NEBL: variants seen among roughly 807,000 people sequenced by gnomAD.
The protein encoded by NEBL is nebulette.
A neutral mutation model predicts 140.2 loss-of-function variants in NEBL; 122 were observed. The observed-to-expected ratio is 0.87, with a 90% CI of 0.75 to 1.01. The LOEUF (loss-of-function observed/expected upper bound fraction) is 1.01. Ranked by LOEUF, NEBL falls within the 50% of genes least tolerant of loss-of-function variation. The pLI is 0.00. For synonymous variants in NEBL, 436 were observed against 398.9 expected (o/e 1.09, Z -1.11); for missense variants, 1,365 against 1,231.3 (o/e 1.11, Z -1.62).
At chr10:21,268,306 C>T (rs375800040) in intron 1 of NEBL, among the ~76,000 whole-genome samples, 8 of 151,916 alleles carry the variant, frequency 5.3e-5, no homozygotes, top group South Asian at 2.1e-4. Flanking sequence ...CCTGTCTCTT[C>T]GAAAAATAAT....
chr10:21,234,451 A>T (rs1243392072), intron 3 of NEBL, among the ~76,000 whole-genome samples: 1 of 152,016 alleles, frequency 6.6e-6, no homozygotes, highest in Non-Finnish European at 1.5e-5. Context: ...CTATGGGTAA[A>T]AGCTCCCTGT....
At chr10:21,067,426 T>C (rs1835616512) in intron 2 of NEBL, among the ~76,000 whole-genome samples, 2 of 152,104 alleles carry the variant, frequency 1.3e-5, no homozygotes, top group African/African-American at 4.8e-5. Flanking sequence ...CCAACGATTG[T>C]CATGAAATTG....
intron 2 of NEBL, among the ~76,000 whole-genome samples, chr10:21,155,358 T>A (rs545142000): frequency 5.3e-5 from 8 of 152,204 alleles, no homozygotes; most frequent in Non-Finnish European, 1.2e-4. Context: ...TGTTGTGCTA[T>A]CAAATACCAG....
rs1008056589 is a variant in NEBL, at chr10:20,780,182, C to T, written c.*5565G>A. ...GTGGGGGGAGAAAAGCAATTGTGTTCTGTGATAAATGAGCCTTTCTTAGCT... is the reference window on the plus strand; with the variant it reads ...GTGGGGGGAGAAAAGCAATTGTGTTTTGTGATAAATGAGCCTTTCTTAGCT... On this transcript the variant is annotated 3_prime_UTR_variant, in exon 28 of 28. Transcript: ENST00000377122. 2 of 152,120 alleles carry T rather than the reference C, an allele frequency of 1.3e-5. No homozygotes were observed. The highest frequency in any genetic ancestry group is 4.8e-5 in the African/African-American group (2 of 41,424). The allele number at this position is 152,120 out of a possible 1,614,324, so 9.4% of individuals were successfully genotyped here. A position where few individuals can be genotyped will look rare whatever the true frequency, so the allele number is the denominator to read the frequency against.
intron 5 of NEBL, among the ~76,000 whole-genome samples, chr10:20,878,805 A>G (rs1205391073): frequency 6.6e-6 from 1 of 152,216 alleles, no homozygotes; most frequent in Non-Finnish European, 1.5e-5. Context: ...ACAGTATTGA[A>G]TGAAGGAGAA....
intron 26 of NEBL, among the ~76,000 whole-genome samples, chr10:20,796,367 G>GAAAAAAAAAA (rs57844177): frequency 1.2e-4 from 6 of 51,498 alleles, no homozygotes; most frequent in Non-Finnish European, 1.5e-4. Context: ...TCTAAAACAA[G>GAAAAAAAAAA]AAAAAAAAAA....
chr10:20,946,211 A>G (rs1835151525), intron 4 of NEBL, among the ~76,000 whole-genome samples: 1 of 152,228 alleles, frequency 6.6e-6, no homozygotes. Context: ...CAAGGAGCCC[A>G]TCGTGTTTCC....
At position 21,164,667 on chromosome 10, in the gene NEBL, G is replaced by C. The variant is rs902552238; in HGVS notation, c.164+7716C>G. On this transcript the variant is annotated intron_variant, in intron 2 of 6. Transcript: ENST00000417816. ...AATGGGACAGAGAACCCAGAGTGTGGTTTGTAAATATGATTCCCTACAATG... is the reference window on the plus strand; with the variant it reads ...AATGGGACAGAGAACCCAGAGTGTGCTTTGTAAATATGATTCCCTACAATG... Among the ~76,000 whole-genome samples the C allele has an allele frequency of 2.0e-5, 3 of 152,126 alleles. No homozygotes were observed. In the South Asian group the frequency reaches 6.2e-4, roughly 32 times the overall value.
chr10:21,082,227 T>C (rs1836398960), intron 2 of NEBL, among the ~76,000 whole-genome samples: 2 of 152,210 alleles, frequency 1.3e-5, no homozygotes, highest in African/African-American at 2.4e-5. Context: ...AACATGATGA[T>C]TGAGTACAAG....
intron 7 of NEBL, among the ~76,000 whole-genome samples, chr10:20,863,889 A>G (rs1843988208): frequency 6.6e-6 from 1 of 152,190 alleles, no homozygotes; most frequent in African/African-American, 2.4e-5. Context: ...AGTCAGGAAC[A>G]TGATATTTGA....
chr10:20,939,573 C>T (rs1834724736), intron 4 of NEBL, among the ~76,000 whole-genome samples: 1 of 152,162 alleles, frequency 6.6e-6, no homozygotes, highest in Admixed American at 6.5e-5. Flanking sequence ...GGATCAAATT[C>T]ACACATAACA....
intron 3 of NEBL, among the ~76,000 whole-genome samples, chr10:21,245,916 C>T (rs112991548): frequency 6.6e-6 from 1 of 152,094 alleles, no homozygotes; most frequent in Non-Finnish European, 1.5e-5. Context: ...AGGATGGTCT[C>T]GATCTCCTGA....
chr10:21,053,264 G>A (rs1201367305), intron 2 of NEBL, among the ~76,000 whole-genome samples: 21 of 152,162 alleles, frequency 1.4e-4, no homozygotes, highest in Non-Finnish European at 4.4e-5. Flanking sequence ...GGAGAATTTT[G>A]GGGAGAAAAG....
intron 13 of NEBL, among the ~76,000 whole-genome samples, chr10:20,838,250 C>A (rs1207151327): frequency 6.6e-6 from 1 of 152,096 alleles, no homozygotes; most frequent in East Asian, 1.9e-4. Context: ...GAGAGAAGTA[C>A]AAAATATCAA....
chr10:21,021,515 C>T (rs754916814), intron 2 of NEBL, among the ~76,000 whole-genome samples: 6 of 152,218 alleles, frequency 3.9e-5, no homozygotes, highest in Non-Finnish European at 5.9e-5. Flanking sequence ...CTCGTTCCCA[C>T]TGCTCCCCTG....
At chr10:20,890,903 T>C (rs1253093264) in intron 2 of NEBL, among the ~76,000 whole-genome samples, 1 of 152,234 alleles carries the variant, frequency 6.6e-6, no homozygotes, top group Non-Finnish European at 1.5e-5. Flanking sequence ...CTAAAAGTTG[T>C]ATCACTCTGT....
chr10:21,021,706 T>G (rs1838799974), intron 2 of NEBL, among the ~76,000 whole-genome samples: 1 of 152,232 alleles, frequency 6.6e-6, no homozygotes, highest in African/African-American at 2.4e-5. Flanking sequence ...CCTGTGCTAA[T>G]GCTTATCTTG....
chr10:20,916,852 G>C (rs1054220147), intron 4 of NEBL, among the ~76,000 whole-genome samples: 2 of 152,146 alleles, frequency 1.3e-5, no homozygotes, highest in African/African-American at 4.8e-5. Context: ...ATTTGAAAAA[G>C]AATATACAAG....
At chr10:21,197,013 T>G (rs1206805810) in intron 3 of NEBL, among the ~76,000 whole-genome samples, 2 of 152,256 alleles carry the variant, frequency 1.3e-5, no homozygotes, top group African/African-American at 2.4e-5. Flanking sequence ...AGTTAGCAGT[T>G]GTGATGGATC....
Sources: allele counts gnomAD v4.1 joint callset (sites outside exome capture counted in the v4.1 genomes callset), GRCh38; gene constraint gnomAD v4.1.1; transcripts MANE v1.5; gene names NCBI Gene and HGNC (gene_info 2026-07-23, HGNC 2026-07-21).